TRHDE: variants seen among roughly 807,000 people sequenced by gnomAD.
TRHDE encodes the protein thyrotropin-releasing hormone-degrading ectoenzyme.
Under a neutral mutation model 125.7 loss-of-function variants are expected in TRHDE, and 72 were observed. The ratio of observed to expected loss-of-function variants is 0.57; its 90% CI spans 0.47 to 0.70. The LOEUF (loss-of-function observed/expected upper bound fraction) is 0.70. Among genes scored for constraint, TRHDE ranks in the 30% least tolerant of loss-of-function variants. The pLI, the probability that TRHDE is intolerant of heterozygous loss-of-function variation, is 0.00. For synonymous variants in TRHDE, 509 were observed against 509.1 expected (o/e 1.00, Z 0.00); for missense variants, 1,110 against 1,327.1 (o/e 0.84, Z 2.54).
At chr12:72,213,594 T>G (rs1310101387) in intron 2 of TRHDE, among the ~76,000 whole-genome samples, 1 of 152,172 alleles carries the variant, frequency 6.6e-6, no homozygotes, top group Admixed American at 6.6e-5. Context: ...CTCTTTCCAC[T>G]GTACCATGCC....
intron 2 of TRHDE, chr12:72,257,589 T>C (rs1271044461): frequency 6.6e-6 from 1 of 152,210 alleles, no homozygotes; most frequent in Non-Finnish European, 1.5e-5. Context: ...CTTGGGTCAT[T>C]GTTTCTCAGA....
chr12:72,097,778 A>AG (rs1388522486), intron 1 of TRHDE, among the ~76,000 whole-genome samples: 1 of 152,002 alleles, frequency 6.6e-6, no homozygotes, highest in African/African-American at 2.4e-5. Flanking sequence ...TGTCAGCTCC[A>AG]GGACCTTCAC....
intron 1 of TRHDE, among the ~76,000 whole-genome samples, chr12:72,092,519 C>T (rs756478110): frequency 2.6e-5 from 4 of 152,198 alleles, no homozygotes; most frequent in African/African-American, 7.2e-5. Context: ...TGTCTCCATA[C>T]GCAGACAGGT....
intron 3 of TRHDE, among the ~76,000 whole-genome samples, chr12:72,422,051 A>G (rs1335389886): frequency 6.6e-6 from 1 of 152,164 alleles, no homozygotes; most frequent in Non-Finnish European, 1.5e-5. Flanking sequence ...CATAGCTACA[A>G]TGATTTATTA....
At chr12:72,358,823 G>C (rs1269548036) in intron 2 of TRHDE, among the ~76,000 whole-genome samples, 2 of 151,522 alleles carry the variant, frequency 1.3e-5, no homozygotes, top group Non-Finnish European at 3.0e-5. Flanking sequence ...GTAAGGGAGA[G>C]ATTTTAGAAA....
intron 3 of TRHDE, among the ~76,000 whole-genome samples, chr12:72,447,886 C>G (rs1875376730): frequency 6.6e-6 from 1 of 151,960 alleles, no homozygotes; most frequent in Non-Finnish European, 1.5e-5. Context: ...TTTCTTGGCA[C>G]ATTACCTGAA....
chr12:72,300,553 CAT>C (rs891809046), intron 2 of TRHDE, among the ~76,000 whole-genome samples: 8 of 150,944 alleles, frequency 5.3e-5, no homozygotes, highest in Non-Finnish European at 1.0e-4. Context: ...TAATGTATGG[CAT>C]ATATGTGTGT....
chr12:72,506,542 C>T (rs605027), intron 6 of TRHDE, among the ~76,000 whole-genome samples: 81,023 of 152,004 alleles, frequency 0.53, 25,755 homozygotes, highest in South Asian at 0.72. Context: ...ATTTTACTGA[C>T]GAGAAAACTG....
At chr12:72,417,159 T>C (rs1219498698) in intron 3 of TRHDE, among the ~76,000 whole-genome samples, 1 of 152,082 alleles carries the variant, frequency 6.6e-6, no homozygotes, top group Admixed American at 6.6e-5. Context: ...TGGTTTCTTT[T>C]TCAGATTGTT....
At chr12:72,219,457 C>T (rs1327782813) in intron 2 of TRHDE, among the ~76,000 whole-genome samples, 2 of 152,086 alleles carry the variant, frequency 1.3e-5, no homozygotes, top group Non-Finnish European at 2.9e-5. Flanking sequence ...AAAAAATCTC[C>T]ACAGCTGCAG....
chr12:72,587,145 A>G (rs933394465), intron 12 of TRHDE, among the ~76,000 whole-genome samples: 4 of 152,214 alleles, frequency 2.6e-5, no homozygotes, highest in African/African-American at 9.6e-5. Flanking sequence ...TGAAACTACA[A>G]TTATTCACAG....
At chr12:72,096,164 C>CACACACACACAT (rs2139285696) in intron 1 of TRHDE, among the ~76,000 whole-genome samples, 1 of 151,944 alleles carries the variant, frequency 6.6e-6, no homozygotes, top group East Asian at 1.9e-4. Context: ...CACACACACA[C>CACACACACACAT]ACATATCCTA....
rs147931479 is a variant in TRHDE, at chr12:72,633,433, C to T, written c.2675+11682C>T. 7.9e-3 allele frequency among the ~76,000 whole-genome samples: 1,205 copies of T among 152,162 alleles called. 13 individuals are homozygous for T. The highest frequency in any genetic ancestry group is 0.011 in the Non-Finnish European group (768 of 67,994). On this transcript the variant is annotated intron_variant, in intron 15 of 18. Coordinates refer to ENST00000261180, the MANE Select transcript of TRHDE (RefSeq NM_013381.3). ...TGCTATTCTTTTGAATTTCACAGGG[C>T]CATTGCAGACTGTTTTTTGGACTAC... is the stretch of plus-strand genomic sequence containing the variant.
intron 2 of TRHDE, among the ~76,000 whole-genome samples, chr12:72,332,372 C>T (rs540272664): frequency 6.6e-6 from 1 of 152,270 alleles, no homozygotes; most frequent in Non-Finnish European, 1.5e-5. Context: ...ATCTCCTGAC[C>T]TCATGATCCA....
At chr12:72,431,545 T>G (rs534611616) in intron 3 of TRHDE, among the ~76,000 whole-genome samples, 30 of 152,130 alleles carry the variant, frequency 2.0e-4, no homozygotes, top group Non-Finnish European at 3.4e-4. Flanking sequence ...GATTTCTGTC[T>G]GCTATTTTTC....
intron 15 of TRHDE, among the ~76,000 whole-genome samples, chr12:72,647,117 A>G (rs1874314319): frequency 6.6e-6 from 1 of 152,100 alleles, no homozygotes; most frequent in South Asian, 2.1e-4. Flanking sequence ...AAATTATACC[A>G]CATACTTTTC....
intron 15 of TRHDE, among the ~76,000 whole-genome samples, chr12:72,630,646 T>C (rs1469534746): frequency 6.6e-6 from 1 of 151,810 alleles, no homozygotes; most frequent in East Asian, 1.9e-4. Flanking sequence ...CAGGGAGGTA[T>C]TGCAAATTAA....
At chr12:72,139,738 A>C (rs1387981592) in intron 2 of TRHDE, among the ~76,000 whole-genome samples, 2 of 152,188 alleles carry the variant, frequency 1.3e-5, no homozygotes, top group African/African-American at 2.4e-5. Context: ...AAATTACCCT[A>C]TTGTAAATCA....
At chr12:72,483,374 C>A (rs1157676118) in intron 5 of TRHDE, among the ~76,000 whole-genome samples, 2 of 151,872 alleles carry the variant, frequency 1.3e-5, no homozygotes, top group African/African-American at 4.8e-5. Context: ...TCTTGTTTAT[C>A]CAGCTTCAAA....
Sources: allele counts gnomAD v4.1 joint callset (sites outside exome capture counted in the v4.1 genomes callset), GRCh38; gene constraint gnomAD v4.1.1; transcripts MANE v1.5; gene names NCBI Gene and HGNC (gene_info 2026-07-23, HGNC 2026-07-21).